Variants in KMT2C observed in about 807,000 individuals in gnomAD.
KMT2C encodes the protein histone-lysine N-methyltransferase 2C.
Under a neutral mutation model 507.9 loss-of-function variants are expected in KMT2C, and 88 were observed. That is an observed-to-expected ratio of 0.17 (90% CI 0.15 to 0.21). The LOEUF (loss-of-function observed/expected upper bound fraction) is 0.21. Ranked by LOEUF, KMT2C falls within the 10% of genes least tolerant of loss-of-function variation. KMT2C has a pLI of 1.00. For synonymous variants in KMT2C, 2,049 were observed against 2,080.8 expected, an observed-to-expected ratio of 0.98 and a Z score of 0.42; for missense variants, 4,954 against 5,957.8, an observed-to-expected ratio of 0.83 and a Z score of 5.55.
At chr7:152,409,300 A>T (rs2097656332) in intron 1 of KMT2C, among the ~76,000 whole-genome samples, 2 of 151,966 alleles carry the variant, frequency 1.3e-5, no homozygotes, top group African/African-American at 4.8e-5. Flanking sequence ...AGCCACCAAG[A>T]CCCACCTTAA....
chr7:152,338,368 A>C (rs536594503), intron 2 of KMT2C, among the ~76,000 whole-genome samples: 2 of 152,342 alleles, frequency 1.3e-5, no homozygotes, highest in East Asian at 3.9e-4. Flanking sequence ...TAGTCATTAC[A>C]AAGATAGTCA....
In KMT2C at chr7:152,435,966, G is replaced by T; in HGVS notation, c.-180C>A. On this transcript the variant is annotated 5_prime_UTR_variant, in exon 1 of 59. Coordinates refer to ENST00000262189, the MANE Select transcript of KMT2C (RefSeq NM_170606.3). ...AGAGGCGGCAACATGGAGCGAGCAG[G>T]ACACGCACTCACACACATCGGCGCG... 1 of 472,818 alleles carries T rather than the reference G, an allele frequency of 2.1e-6. No homozygotes were observed. Among genetic ancestry groups the T allele is most frequent in the Non-Finnish European group, 3.5e-6 (1 of 286,036 alleles). 29.3% of individuals were successfully genotyped at this position (472,818 alleles called of 1,614,324 possible).
intron 23 of KMT2C, among the ~76,000 whole-genome samples, chr7:152,216,541 A>G (rs1348899052): frequency 6.6e-6 from 1 of 152,192 alleles, no homozygotes; most frequent in African/African-American, 2.4e-5. Context: ...TCAAACTTTA[A>G]TTTTAAATTC....
intron 2 of KMT2C, among the ~76,000 whole-genome samples, chr7:152,336,939 T>C (rs2096941064): frequency 1.3e-5 from 2 of 152,078 alleles, no homozygotes; most frequent in African/African-American, 4.8e-5. Flanking sequence ...GTAGCCACTA[T>C]CTACGGATAA....
chr7:152,214,536 T>C (rs933287596), intron 23 of KMT2C, among the ~76,000 whole-genome samples: 21 of 152,114 alleles, frequency 1.4e-4, no homozygotes, highest in African/African-American at 4.6e-4. Flanking sequence ...AAAATCAGTT[T>C]TGTCATACTT....
chr7:152,313,846 A>G (rs563511172), intron 4 of KMT2C, among the ~76,000 whole-genome samples: 1 of 152,276 alleles, frequency 6.6e-6, no homozygotes, highest in South Asian at 2.1e-4. Context: ...ATCTGAGCTC[A>G]TAAGAATTTT....
chr7:152,388,552 T>C (rs2097455904), intron 1 of KMT2C, among the ~76,000 whole-genome samples: 2 of 152,036 alleles, frequency 1.3e-5, no homozygotes, highest in South Asian at 2.1e-4. Flanking sequence ...AGCGAGACTG[T>C]CTCAAAAAAA....
At chr7:152,205,891 G>A (rs1417196975) in intron 24 of KMT2C, among the ~76,000 whole-genome samples, 4 of 152,164 alleles carry the variant, frequency 2.6e-5, no homozygotes, top group African/African-American at 9.7e-5. Flanking sequence ...CTGGAGGATA[G>A]AAGGCACAAA....
intron 1 of KMT2C, chr7:152,367,663 T>G: frequency 7.0e-7 from 1 of 1,430,940 alleles, no homozygotes; most frequent in South Asian, 1.1e-5. Context: ...GAAGGTGGTG[T>G]TCAGTTGCTG....
intron 9 of KMT2C, among the ~76,000 whole-genome samples, chr7:152,257,337 G>A (rs1003302253): frequency 3.9e-5 from 6 of 152,142 alleles, no homozygotes; most frequent in African/African-American, 1.4e-4. Flanking sequence ...AAAATAACAG[G>A]AGGTTTAAAA....
intron 16 of KMT2C, among the ~76,000 whole-genome samples, chr7:152,233,602 A>C (rs1409836767): frequency 2.6e-5 from 4 of 152,228 alleles, no homozygotes; most frequent in African/African-American, 9.6e-5. Context: ...AAGATTGATA[A>C]ATCTCTAGCC....
intron 16 of KMT2C, among the ~76,000 whole-genome samples, chr7:152,232,800 G>A (rs1406013892): frequency 6.6e-6 from 1 of 152,052 alleles, no homozygotes; most frequent in Non-Finnish European, 1.5e-5. Context: ...ACTACTAAAA[G>A]TAATCATTAA....
rs745710223 is a variant in KMT2C, at chr7:152,419,918, T to TA, written c.161+15707dup. On this transcript the variant is annotated intron_variant, in intron 1 of 58. Transcript: ENST00000262189. Reference sequence around the variant, plus strand: ...TTCTCACTCCCCTTTTTCTCTTCGGTAAAGTCTGTTTTCATTTTTAAACAC... The same window carrying TA: ...TTCTCACTCCCCTTTTTCTCTTCGGTAAAAGTCTGTTTTCATTTTTAAACAC... Among the ~76,000 whole-genome samples the TA allele has an allele frequency of 2.0e-5, 3 of 152,340 alleles. No individual in the cohort carries two copies. In the East Asian group the frequency reaches 5.8e-4, roughly 29 times the overall value.
intron 2 of KMT2C, among the ~76,000 whole-genome samples, chr7:152,334,286 C>A (rs1473989858): frequency 6.6e-6 from 1 of 152,102 alleles, no homozygotes; most frequent in Non-Finnish European, 1.5e-5. Flanking sequence ...AACCCCATCT[C>A]TACTAAAAAT....
chr7:152,209,886 C>T (rs1317497696), intron 23 of KMT2C, among the ~76,000 whole-genome samples: 8 of 152,088 alleles, frequency 5.3e-5, no homozygotes, highest in African/African-American at 1.9e-4. Context: ...AAACTGGCCA[C>T]CTTTGGAAAT....
intron 1 of KMT2C, among the ~76,000 whole-genome samples, chr7:152,409,805 T>C (rs1192599187): frequency 6.6e-6 from 1 of 152,236 alleles, no homozygotes; most frequent in East Asian, 1.9e-4. Flanking sequence ...TTTCTTGGGT[T>C]TTTTTTTAAA....
chr7:152,327,680 C>T (rs28361895), intron 3 of KMT2C, among the ~76,000 whole-genome samples: 5,839 of 152,018 alleles, frequency 0.038, 387 homozygotes, highest in African/African-American at 0.13. Context: ...TATATTGGGC[C>T]GGGCGCGGTG....
chr7:152,207,306 T>G lies in KMT2C; in HGVS notation c.3835A>C (p.Arg1279=), dbSNP rs1422188430. The G allele has an allele frequency of 1.3e-6, 2 of 1,584,126 alleles. No individual in the cohort carries two copies. Among genetic ancestry groups the G allele is most frequent in the African/African-American group, 2.7e-5 (2 of 72,794 alleles). The stretch of plus-strand genomic sequence containing the variant: ...TCTACCTCAGGCACTATACCTGGTC[T>G]GTATGGTTTCCTTTTTCTCTTTTTG... ...GVKKRKRKPY[R]PGIGGFMVRQ... Residue 1279 remains arginine (R), a synonymous_variant, in exon 24 of 59, where the codon AGA becomes CGA. Transcript: ENST00000262189.
chr7:152,265,241 G>A lies in KMT2C; in HGVS notation c.1013-32C>T, dbSNP rs368429893. The stretch of plus-strand genomic sequence containing the variant: ...TTAACAGTGAAACAATGAAATTGTT[G>A]TATAAGAATTTAAATTTTTTCTGAC... On this transcript the variant is annotated intron_variant, in intron 7 of 58. Coordinates refer to ENST00000262189, the MANE Select transcript of KMT2C (RefSeq NM_170606.3). The A allele has an allele frequency of 4.8e-4, 765 of 1,608,546 alleles. 1 individual carries two copies. The highest frequency in any genetic ancestry group is 6.0e-4 in the Non-Finnish European group (702 of 1,176,356).
Sources: allele counts gnomAD v4.1 joint callset (sites outside exome capture counted in the v4.1 genomes callset), GRCh38; gene constraint gnomAD v4.1.1; transcripts MANE v1.5; gene names NCBI Gene and HGNC (gene_info 2026-07-23, HGNC 2026-07-21).